Variants in PARD3 observed in about 807,000 individuals in gnomAD.
The protein encoded by PARD3 is partitioning defective 3 homolog.
A neutral mutation model predicts 155.4 loss-of-function variants in PARD3; 75 were observed. The ratio of observed to expected loss-of-function variants is 0.48; its 90% CI spans 0.40 to 0.58. PARD3 has a LOEUF of 0.58. PARD3 is among the 20% of genes least tolerant of loss of function. PARD3 has a pLI of 0.00. For synonymous variants in PARD3, 576 were observed against 610.5 expected (o/e 0.94, Z 0.83); for missense variants, 1,642 against 1,721.7 (o/e 0.95, Z 0.82).
At chr10:34,680,523 C>T (rs4934514) in intron 2 of PARD3, among the ~76,000 whole-genome samples, 69 of 145,656 alleles carry the variant, frequency 4.7e-4, no homozygotes, top group Middle Eastern at 3.6e-3. Flanking sequence ...CACACCACTG[C>T]ACTGCAGCCT....
chr10:34,416,720 G>C lies in PARD3; in HGVS notation c.715-14803C>G, dbSNP rs1353966445. 2.0e-5 allele frequency among the ~76,000 whole-genome samples: 3 copies of C among 152,298 alleles called. No individual in the cohort carries two copies. In the East Asian group the frequency reaches 5.8e-4, roughly 29 times the overall value. On this transcript the variant is annotated intron_variant, in intron 5 of 24. Coordinates refer to ENST00000374788, the MANE Select transcript of PARD3 (RefSeq NM_001184785.2). ...ATCCATTTGCTAGAGATAGAATATG[G>C]AAAGTGAGACTATGAACAAATAGAG...
intron 2 of PARD3, among the ~76,000 whole-genome samples, chr10:34,649,849 T>G (rs1224122190): frequency 6.6e-6 from 1 of 152,232 alleles, no homozygotes; most frequent in African/African-American, 2.4e-5. Flanking sequence ...AATATTTCCT[T>G]TCTATCCTTA....
At chr10:34,318,492 T>G (rs939998369) in intron 19 of PARD3, among the ~76,000 whole-genome samples, 4 of 152,312 alleles carry the variant, frequency 2.6e-5, no homozygotes, top group African/African-American at 9.6e-5. Context: ...TGCAAAGAAC[T>G]GACCTCCAAA....
chr10:34,388,150 C>T (rs1049087504), intron 7 of PARD3, among the ~76,000 whole-genome samples: 4 of 152,082 alleles, frequency 2.6e-5, no homozygotes, highest in African/African-American at 9.7e-5. Flanking sequence ...ACTGACACAG[C>T]AAGAGATGAG....
chr10:34,226,793 C>T (rs571006162), intron 22 of PARD3, among the ~76,000 whole-genome samples: 31 of 152,250 alleles, frequency 2.0e-4, no homozygotes, highest in Admixed American at 1.3e-3. Context: ...TAGCCCCAAA[C>T]TGAAAAGCCC....
chr10:34,301,818 CTTTTTTTT>C (rs5784408), intron 20 of PARD3, among the ~76,000 whole-genome samples: 5 of 125,870 alleles, frequency 4.0e-5, no homozygotes, highest in African/African-American at 8.9e-5. Flanking sequence ...TTTCTCCTTT[CTTTTTTTT>C]TTTTTTTTTT....
intron 14 of PARD3, among the ~76,000 whole-genome samples, chr10:34,352,755 C>T (rs901417354): frequency 1.3e-5 from 2 of 152,336 alleles, no homozygotes; most frequent in South Asian, 4.1e-4. Flanking sequence ...GCAGCCTCTG[C>T]CCGGCCGCGA....
chr10:34,341,819 G>A lies in PARD3; in HGVS notation c.2219-3C>T, dbSNP rs371116696. 6.4e-7 allele frequency: 1 copy of A among 1,566,762 alleles called. No individual in the cohort carries two copies. Among genetic ancestry groups the A allele is most frequent in the Non-Finnish European group, 8.7e-7 (1 of 1,152,864 alleles). The stretch of plus-strand genomic sequence containing the variant: ...TGTAGGGGACAGCTGGTATTTACCT[G>A]TCCAGTGAAAAAAGAAGAAGAGAAA... On this transcript the variant is annotated splice_region_variant and splice_polypyrimidine_tract_variant and intron_variant, in intron 15 of 24. Coordinates refer to ENST00000374788, the MANE Select transcript of PARD3 (RefSeq NM_001184785.2).
At chr10:34,687,147 G>C (rs906169321) in intron 2 of PARD3, among the ~76,000 whole-genome samples, 3 of 152,010 alleles carry the variant, frequency 2.0e-5, no homozygotes, top group Admixed American at 2.0e-4. Context: ...TGCCATACTT[G>C]TATTTCAAAA....
chr10:34,670,668 C>A (rs2093595167), intron 2 of PARD3, among the ~76,000 whole-genome samples: 1 of 152,090 alleles, frequency 6.6e-6, no homozygotes, highest in Non-Finnish European at 1.5e-5. Flanking sequence ...TCTATAAGCA[C>A]CTAGTGAAAC....
At chr10:34,739,382 G>A (rs768095853) in intron 1 of PARD3, among the ~76,000 whole-genome samples, 7 of 152,148 alleles carry the variant, frequency 4.6e-5, no homozygotes, top group Non-Finnish European at 8.8e-5. Flanking sequence ...AAGAATGACC[G>A]CACCAGAGGG....
intron 22 of PARD3, among the ~76,000 whole-genome samples, chr10:34,198,475 T>C (rs966567785): frequency 6.6e-6 from 1 of 151,800 alleles, no homozygotes; most frequent in East Asian, 1.9e-4. Context: ...TGTGTGTGTG[T>C]GTGTGTGTGT....
chr10:34,134,371 A>C (rs1947778320), intron 22 of PARD3, among the ~76,000 whole-genome samples: 1 of 152,236 alleles, frequency 6.6e-6, no homozygotes, highest in African/African-American at 2.4e-5. Flanking sequence ...TCTAACCAGA[A>C]GTATTCTTCT....
intron 1 of PARD3, among the ~76,000 whole-genome samples, chr10:34,776,833 T>TTTGGG (rs1564608800): frequency 2.0e-4 from 2 of 9,908 alleles, no homozygotes; most frequent in Admixed American, 1.1e-3. Context: ...CGTGTTTTTT[T>TTTGGG]GTGGGGGGGG....
chr10:34,454,448 T>C (rs534342561), intron 4 of PARD3, among the ~76,000 whole-genome samples: 1 of 152,272 alleles, frequency 6.6e-6, no homozygotes, highest in South Asian at 2.1e-4. Flanking sequence ...ATTGTTAAAA[T>C]ATGGCACTCG....
At chr10:34,349,093 A>G (rs1837729605) in intron 14 of PARD3, among the ~76,000 whole-genome samples, 1 of 152,186 alleles carries the variant, frequency 6.6e-6, no homozygotes, top group African/African-American at 2.4e-5. Flanking sequence ...GACAGACAGG[A>G]AGGGCCAATG....
intron 22 of PARD3, among the ~76,000 whole-genome samples, chr10:34,174,490 GA>G (rs1256047272): frequency 6.6e-6 from 1 of 152,188 alleles, no homozygotes; most frequent in Non-Finnish European, 1.5e-5. Flanking sequence ...AAATGTGTAA[GA>G]AAGAGGGGAA....
chr10:34,436,748 T>A (rs1279189349), intron 5 of PARD3, among the ~76,000 whole-genome samples: 1 of 152,118 alleles, frequency 6.6e-6, no homozygotes, highest in African/African-American at 2.4e-5. Flanking sequence ...AGGAAAATTA[T>A]CAAAGTGTTT....
At chr10:34,254,384 C>CAA (rs1347357323) in intron 22 of PARD3, among the ~76,000 whole-genome samples, 2 of 77,696 alleles carry the variant, frequency 2.6e-5, no homozygotes, top group Non-Finnish European at 4.3e-5. Context: ...GTCTCAAAAA[C>CAA]AAAAACAAAA....
Sources: gnomAD v4.1 joint callset for allele counts (sites outside exome capture counted in the v4.1 genomes callset) on GRCh38, gnomAD v4.1.1 for gene constraint, MANE v1.5 for transcripts, NCBI Gene and HGNC (gene_info 2026-07-23, HGNC 2026-07-21) for gene names.